Variants in USP53 observed in about 807,000 individuals in gnomAD.
USP53 encodes the protein ubiquitin carboxyl-terminal hydrolase 53.
Under a neutral mutation model 94.9 loss-of-function variants are expected in USP53, and 71 were observed. The observed-to-expected ratio is 0.75, with a 90% CI of 0.62 to 0.91. The LOEUF (loss-of-function observed/expected upper bound fraction) is 0.91, where lower values mean the gene tolerates loss of function less well. Ranked by LOEUF, USP53 falls within the 40% of genes least tolerant of loss-of-function variation. The pLI is 0.00. For missense variants in USP53, 1,173 were observed against 1,281.0 expected, an observed-to-expected ratio of 0.92 and a Z score of 1.29; for synonymous variants, 375 against 422.7, an observed-to-expected ratio of 0.89 and a Z score of 1.39.
At chr4:119,272,898 C>T (rs1460827078) in intron 16 of USP53, 1 of 152,160 alleles carries the variant, frequency 6.6e-6, no homozygotes, top group Non-Finnish European at 1.5e-5. Flanking sequence ...ACTGTTTAAT[C>T]CTTCTAACAA....
At position 119,293,390 on chromosome 4, in the gene USP53, A is replaced by C; in HGVS notation, c.*179A>C. On this transcript the variant is annotated 3_prime_UTR_variant, in exon 19 of 19. Coordinates refer to ENST00000692078, the MANE Select transcript of USP53 (RefSeq NM_001371395.1). ...CTGACCAAACCTAGTGATACATAAA[A>C]TTAAAGCCTGTGGCATTTTTAAAGT... 1.5e-6 allele frequency: 1 copy of C among 649,896 alleles called. No homozygotes were observed. The allele number at this position is 649,896 out of a possible 1,614,324, so 40.3% of individuals were successfully genotyped here. A position where few individuals can be genotyped will look rare whatever the true frequency, so the allele number is the denominator to read the frequency against.
At chr4:119,215,594 GTT>G (rs1361967847) in intron 2 of USP53, among the ~76,000 whole-genome samples, 1 of 151,554 alleles carries the variant, frequency 6.6e-6, no homozygotes, top group Non-Finnish European at 1.5e-5. Flanking sequence ...AATATAATTG[GTT>G]TTCTTTGTGA....
Position 119,260,957 on chromosome 4 carries a change from T to C in USP53, c.822+304T>C, listed in dbSNP as rs1158973765. Reference sequence around the variant, plus strand: ...TAAAGCACTGATCTCTCTCTTTTTTTTTTTTTTTTTTTTTTTTTTTGCGGC... The same window carrying C: ...TAAAGCACTGATCTCTCTCTTTTTTCTTTTTTTTTTTTTTTTTTTTGCGGC... On this transcript the variant is annotated intron_variant, in intron 11 of 18. Transcript: ENST00000692078. Among the ~76,000 whole-genome samples the C allele has an allele frequency of 2.0e-3, 56 of 27,476 alleles. 1 individual carries two copies. The highest frequency in any genetic ancestry group is 8.7e-3 in the Admixed American group (26 of 2,974). The allele number at this position is 27,476 out of a possible 152,430, so 18.0% of individuals were successfully genotyped here. A position where few individuals can be genotyped will look rare whatever the true frequency, so the allele number is the denominator to read the frequency against.
rs1381610328 is a variant in USP53 at position 119,291,194 on chromosome 4, G to T, written c.2281G>T (p.Ala761Ser). The T allele has an allele frequency of 7.6e-7, 1 of 1,317,252 alleles. No individual in the cohort carries two copies. Among genetic ancestry groups the T allele is most frequent in the South Asian group, 1.3e-5 (1 of 79,212 alleles). The allele number at this position is 1,317,252 out of a possible 1,614,324, so 81.6% of individuals were successfully genotyped here. The stretch of plus-strand genomic sequence containing the variant: ...TAGAAAAGAACTCAGGAATTTGGAA[G>T]CAGGCTATAAATCTCATGAATTCCA... Reference protein sequence around the residue: ...GFRKELRNLEAGYKSHEFHPE... With the variant: ...GFRKELRNLESGYKSHEFHPE... Residue 761 changes from alanine (A) to serine (S), a missense_variant, in exon 18 of 19, where the codon GCA becomes TCA. By Grantham distance (99) the Ala-to-Ser change is moderately conservative (BLOSUM62 1). Coordinates refer to ENST00000692078, the MANE Select transcript of USP53 (RefSeq NM_001371395.1).
rs1561305950 is a variant in USP53, at chr4:119,271,276, CT to C, written c.1436-17del. On this transcript the variant is annotated intron_variant, in intron 15 of 18. Coordinates refer to ENST00000692078, the MANE Select transcript of USP53 (RefSeq NM_001371395.1). ...GCTCTGAGGAGTAATTCATGTGTAT[CT>C]TTAATTTTTTTTTTTAAGATTTGGT... 3 of 1,526,948 alleles carry C rather than the reference CT, an allele frequency of 2.0e-6. No individual in the cohort carries two copies. Among genetic ancestry groups the C allele is most frequent in the Non-Finnish European group, 2.6e-6 (3 of 1,143,304 alleles). 94.6% of individuals were successfully genotyped at this position (1,526,948 alleles called of 1,614,324 possible).
chr4:119,216,309 AG>A (rs1329762547), intron 2 of USP53, among the ~76,000 whole-genome samples: 1 of 151,996 alleles, frequency 6.6e-6, no homozygotes, highest in Non-Finnish European at 1.5e-5. Flanking sequence ...TGAACCCAAG[AG>A]GCGGAGGTTG....
chr4:119,212,644 TG>T (rs1273028455), upstream of USP53: 1 of 365,514 alleles, frequency 2.7e-6, no homozygotes, highest in Non-Finnish European at 5.4e-6. Context: ...CCCTGGGTAT[TG>T]GGGCGTATGC....
chr4:119,213,641 G>GATATATATATAT (rs141285286), intron 1 of USP53, among the ~76,000 whole-genome samples: 3,664 of 107,990 alleles, frequency 0.034, 123 homozygotes, highest in South Asian at 0.065. Context: ...TCTGGAAATA[G>GATATATATATAT]ATATATATAT....
intron 17 of USP53, among the ~76,000 whole-genome samples, chr4:119,285,176 A>G (rs575633828): frequency 4.1e-4 from 63 of 151,988 alleles, no homozygotes; most frequent in African/African-American, 1.5e-3. Context: ...ACAGAATTTG[A>G]ATGAAAAGGA....
chr4:119,244,036 G>A (rs543790472), intron 5 of USP53, among the ~76,000 whole-genome samples: 5 of 152,260 alleles, frequency 3.3e-5, no homozygotes, highest in Admixed American at 2.0e-4. Context: ...CCAGGATTTG[G>A]TAAATAGTAA....
chr4:119,293,096 C>CTACCTATT lies in USP53; in HGVS notation c.3109_3116dup (p.Phe1039LeufsTer10). ...TGTCCAAATGAGACAGTTTCATTAA[C>CTACCTATT]TACCTATTTTTCAGTTGATAGCTGC... is the stretch of plus-strand genomic sequence containing the variant. On this transcript the variant is annotated frameshift_variant, in exon 19 of 19. Transcript: ENST00000692078. LOFTEE classifies it high-confidence loss of function. 1 of 1,614,010 alleles carries CTACCTATT rather than the reference C, an allele frequency of 6.2e-7. No homozygotes were observed. Among genetic ancestry groups the CTACCTATT allele is most frequent in the African/African-American group, 1.3e-5 (1 of 75,028 alleles).
rs761715017 is a variant in USP53, at chr4:119,227,678, C to T, written c.-664-7612C>T. Among the ~76,000 whole-genome samples the T allele has an allele frequency of 3.7e-4, 56 of 152,264 alleles. 1 individual carries two copies. Among genetic ancestry groups the T allele is most frequent in the South Asian group, 6.2e-4 (3 of 4,818 alleles). On this transcript the variant is annotated intron_variant, in intron 3 of 18. Transcript: ENST00000692078. ...CATAGTATTCAAAAACTTAGGAAGG[C>T]ACTTTGGCAATTTTCTATAAAGTTA...
intron 6 of USP53, among the ~76,000 whole-genome samples, chr4:119,248,521 C>A: frequency 6.6e-6 from 1 of 151,246 alleles, no homozygotes; most frequent in Non-Finnish European, 1.5e-5. Flanking sequence ...GACCTGGGAA[C>A]CCTACATGTT....
intron 15 of USP53, among the ~76,000 whole-genome samples, 163 bp downstream of exon 15, chr4:119,270,000 T>C (rs1266957976): frequency 6.8e-6 from 1 of 147,902 alleles, no homozygotes; most frequent in African/African-American, 2.4e-5. Context: ...TATAGAAATA[T>C]ATAAATTACA....
In USP53 at chr4:119,273,670, G is replaced by A; in HGVS notation, c.2213G>A (p.Gly738Glu). ...ACAAGCAACCTAAATAAAGAACGTG[G>A]GGACTGTACCTCCCTTCAGAGCCAA... is the stretch of plus-strand genomic sequence containing the variant. ...ITTSNLNKER[G>E]DCTSLQSQHH... Residue 738 changes from glycine to glutamate, a missense_variant, in exon 17 of 19, where the codon GGG becomes GAG. Transcript: ENST00000692078. 1 of 1,612,538 alleles carries A rather than the reference G, an allele frequency of 6.2e-7. No homozygotes were observed. The highest frequency in any genetic ancestry group is 8.5e-7 in the Non-Finnish European group (1 of 1,179,188).
At chr4:119,283,069 GC>G (rs1753689903) in intron 17 of USP53, among the ~76,000 whole-genome samples, 2 of 151,728 alleles carry the variant, frequency 1.3e-5, no homozygotes, top group South Asian at 4.2e-4. Context: ...AGGCTTGTCT[GC>G]CTATGTCATG....
chr4:119,222,903 T>A lies in USP53; in HGVS notation c.-665+5230T>A, dbSNP rs529385489. On this transcript the variant is annotated intron_variant, in intron 3 of 18. Transcript: ENST00000692078. ...AAATATATTCCCACTATTTTTATAA[T>A]TATTTTTATGATTTAAATCATTTCA... 2.0e-5 allele frequency among the ~76,000 whole-genome samples: 3 copies of A among 152,294 alleles called. No individual in the cohort carries two copies. The South Asian group carries it at 6.2e-4, about 32-fold the overall frequency.
intron 17 of USP53, among the ~76,000 whole-genome samples, chr4:119,276,035 C>T (rs1346346341): frequency 9.2e-6 from 1 of 109,232 alleles, no homozygotes; most frequent in Non-Finnish European, 2.0e-5. Context: ...ACAATCATGT[C>T]GTCTGCAAAC....
intron 6 of USP53, among the ~76,000 whole-genome samples, chr4:119,246,789 A>G (rs559177164): frequency 2.0e-5 from 3 of 152,342 alleles, no homozygotes; most frequent in Non-Finnish European, 2.9e-5. Flanking sequence ...GAAGGAAGAC[A>G]AAGAAACAGA....
Sources: gnomAD v4.1 joint callset for allele counts (sites outside exome capture counted in the v4.1 genomes callset) on GRCh38, gnomAD v4.1.1 for gene constraint, MANE v1.5 for transcripts, NCBI Gene and HGNC (gene_info 2026-07-23, HGNC 2026-07-21) for gene names.